Variants in PALLD observed in about 807,000 individuals in gnomAD.
The protein encoded by PALLD is palladin, cytoskeletal associated protein.
Under a neutral mutation model 123.5 loss-of-function variants are expected in PALLD, and 61 were observed. The ratio of observed to expected loss-of-function variants is 0.49; its 90% CI spans 0.40 to 0.61. The LOEUF is 0.61. Ranked by LOEUF, PALLD falls within the 20% of genes least tolerant of loss-of-function variation. The probability of loss-of-function intolerance (pLI) is 0.00; values close to 1 mark genes in which losing one functional copy is unlikely to be tolerated. For synonymous variants in PALLD, 465 were observed against 496.4 expected, an observed-to-expected ratio of 0.94 and a Z score of 0.84; for missense variants, 1,273 against 1,377.0, an observed-to-expected ratio of 0.92 and a Z score of 1.20.
chr4:168,758,004 G>A (rs1366733385), intron 10 of PALLD, among the ~76,000 whole-genome samples: 1 of 152,204 alleles, frequency 6.6e-6, no homozygotes, highest in East Asian at 1.9e-4. Context: ...CTGGGAGCTG[G>A]AGGTTGCAGC....
intron 2 of PALLD, among the ~76,000 whole-genome samples, chr4:168,560,333 GTTC>G (rs1475610243): frequency 1.3e-5 from 2 of 152,182 alleles, no homozygotes; most frequent in African/African-American, 4.8e-5. Flanking sequence ...TAAGAATGAA[GTTC>G]TTCTTGTCCA....
intron 2 of PALLD, among the ~76,000 whole-genome samples, chr4:168,630,027 C>T (rs145990023): frequency 8.5e-4 from 130 of 152,312 alleles, no homozygotes; most frequent in Middle Eastern, 3.4e-3. Flanking sequence ...CAGATTTCTG[C>T]GCTCATGGTG....
intron 8 of PALLD, among the ~76,000 whole-genome samples, chr4:168,703,926 T>TAAACAAA (rs1252213021): frequency 2.8e-4 from 42 of 152,164 alleles, no homozygotes; most frequent in Non-Finnish European, 5.4e-4. Flanking sequence ...AGATCCCATG[T>TAAACAAA]GTCAATTTTG....
intron 10 of PALLD, among the ~76,000 whole-genome samples, chr4:168,803,096 C>T (rs183840257): frequency 9.9e-4 from 151 of 152,234 alleles, no homozygotes; most frequent in African/African-American, 2.2e-3. Flanking sequence ...TGTATTAGTC[C>T]GTTCTCACAC....
intron 8 of PALLD, among the ~76,000 whole-genome samples, chr4:168,691,820 A>C (rs894798045): frequency 1.3e-5 from 2 of 151,852 alleles, no homozygotes; most frequent in Non-Finnish European, 2.9e-5. Flanking sequence ...CCCCCAGATC[A>C]CTCTTAATTA....
intron 2 of PALLD, among the ~76,000 whole-genome samples, chr4:168,597,381 T>A: frequency 6.6e-6 from 1 of 152,052 alleles, no homozygotes; most frequent in East Asian, 1.9e-4. Context: ...AGAAAAAGAA[T>A]ACAATATTAA....
chr4:168,760,163 C>T (rs1031972467), intron 10 of PALLD, among the ~76,000 whole-genome samples: 1 of 152,162 alleles, frequency 6.6e-6, no homozygotes, highest in Non-Finnish European at 1.5e-5. Flanking sequence ...CCTCTGTCCT[C>T]ATTGCAAATC....
chr4:168,563,897 G>A (rs1768102978), intron 2 of PALLD, among the ~76,000 whole-genome samples: 1 of 152,174 alleles, frequency 6.6e-6, no homozygotes, highest in Non-Finnish European at 1.5e-5. Context: ...GGGTACAAGT[G>A]TAATTTTGTG....
chr4:168,754,295 A>T (rs1447625538), intron 10 of PALLD, among the ~76,000 whole-genome samples: 2 of 152,176 alleles, frequency 1.3e-5, no homozygotes, highest in Non-Finnish European at 2.9e-5. Flanking sequence ...AGTTTTAGTC[A>T]TCCTTACTTA....
chr4:168,794,117 C>T (rs1004844583), intron 10 of PALLD, among the ~76,000 whole-genome samples: 1 of 152,128 alleles, frequency 6.6e-6, no homozygotes, highest in Non-Finnish European at 1.5e-5. Flanking sequence ...TCTCCAGGCC[C>T]GCTCCTCCAG....
Position 168,927,121 on chromosome 4 carries a change from T to C in PALLD, c.*941T>C, listed in dbSNP as rs915152819. 1.8e-5 allele frequency: 4 copies of C among 226,396 alleles called. No individual in the cohort carries two copies. Among genetic ancestry groups the C allele is most frequent in the Non-Finnish European group, 3.5e-5 (4 of 113,658 alleles). 14.0% of individuals were successfully genotyped at this position (226,396 alleles called of 1,614,324 possible). A position where few individuals can be genotyped will look rare whatever the true frequency, so the allele number is the denominator to read the frequency against. On this transcript the variant is annotated 3_prime_UTR_variant, in exon 22 of 22. Transcript: ENST00000505667. The stretch of plus-strand genomic sequence containing the variant: ...AAGTGCTCTGAATAAAGCAGAAATA[T>C]ATTACAGTTCATTCCACAGAAAGCA...
In PALLD at chr4:168,547,566, C is replaced by CAAAAAAAA. The variant is rs11339394; in HGVS notation, c.908+35168_908+35175dup. ...GTGAAACATTATCTCTAATAAAATA[C>CAAAAAAAA]AAAAAAAAAAAAAAAAAAAAAGCCA... On this transcript the variant is annotated intron_variant, in intron 2 of 21. Coordinates refer to ENST00000505667, the MANE Select transcript of PALLD (RefSeq NM_001166108.2). 1.3e-4 allele frequency among the ~76,000 whole-genome samples: 9 copies of CAAAAAAAA among 70,936 alleles called. 1 individual carries two copies. Among genetic ancestry groups the CAAAAAAAA allele is most frequent in the Admixed American group, 5.3e-4 (3 of 5,626 alleles). 46.5% of individuals were successfully genotyped at this position (70,936 alleles called of 152,430 possible). A position where few individuals can be genotyped will look rare whatever the true frequency, so the allele number is the denominator to read the frequency against.
intron 12 of PALLD, 119 bp downstream of exon 12, chr4:168,894,796 A>G (rs1364441442): frequency 1.3e-6 from 2 of 1,511,214 alleles, no homozygotes; most frequent in Admixed American, 4.0e-5. Flanking sequence ...GTCACAGAAA[A>G]GCAGTATTAA....
At chr4:168,573,707 T>C (rs889329445) in intron 2 of PALLD, among the ~76,000 whole-genome samples, 2 of 152,056 alleles carry the variant, frequency 1.3e-5, no homozygotes, top group African/African-American at 4.8e-5. Context: ...GAGAAAATCA[T>C]GCTTCTAGGA....
rs1313429903 is a variant in PALLD at position 168,878,283 on chromosome 4, C to G, written c.1965-12639C>G. The G allele has an allele frequency of 3.3e-6, 5 of 1,527,256 alleles. No homozygotes were observed. In the Admixed American group the frequency reaches 5.9e-5, roughly 18 times the overall value. The allele number at this position is 1,527,256 out of a possible 1,614,324, so 94.6% of individuals were successfully genotyped here. ...GCGTCCCACTGCTCGTCGCCTGCCA[C>G]CCGCTTCGGCCACAGCCAGACGCCC... On this transcript the variant is annotated intron_variant, in intron 10 of 21. Coordinates refer to ENST00000505667, the MANE Select transcript of PALLD (RefSeq NM_001166108.2).
rs70961555 is a variant in PALLD, at chr4:168,761,645, G to GTTTTTTTTTTTTTTTTTTTTTTTTTTTT, written c.1964+49726_1964+49753dup. On this transcript the variant is annotated intron_variant, in intron 10 of 21. Coordinates refer to ENST00000505667, the MANE Select transcript of PALLD (RefSeq NM_001166108.2). Reference sequence around the variant, plus strand: ...CCAGCTATTTTTGTTGTTGTTGTTTGTTTTTTTTTTTTTTTTTTTTTTTTT... The same window carrying GTTTTTTTTTTTTTTTTTTTTTTTTTTTT: ...CCAGCTATTTTTGTTGTTGTTGTTTGTTTTTTTTTTTTTTTTTTTTTTTTTTTTTTTTTTTTTTTTTTTTTTTTTTTTT... 2.2e-3 allele frequency among the ~76,000 whole-genome samples: 194 copies of GTTTTTTTTTTTTTTTTTTTTTTTTTTTT among 87,912 alleles called. 32 individuals carry two copies. Among genetic ancestry groups the GTTTTTTTTTTTTTTTTTTTTTTTTTTTT allele is most frequent in the Middle Eastern group, 6.3e-3 (1 of 160 alleles). The allele number at this position is 87,912 out of a possible 152,430, so 57.7% of individuals were successfully genotyped here.
intron 2 of PALLD, among the ~76,000 whole-genome samples, chr4:168,514,851 T>C (rs1762848109): frequency 1.3e-5 from 2 of 152,248 alleles, no homozygotes; most frequent in African/African-American, 4.8e-5. Context: ...CCATAATTAC[T>C]GTATTAAAAT....
intron 10 of PALLD, among the ~76,000 whole-genome samples, chr4:168,728,917 C>T (rs1786871701): frequency 6.6e-6 from 1 of 152,074 alleles, no homozygotes; most frequent in Admixed American, 6.6e-5. Context: ...TTTGTGGATG[C>T]CTTTTATTTC....
intron 1 of PALLD, chr4:168,504,875 C>T (rs1045051998): frequency 6.6e-6 from 1 of 152,184 alleles, no homozygotes; most frequent in African/African-American, 2.4e-5. Flanking sequence ...TACCTCATTT[C>T]CTCTTCACTC....
Sources: gnomAD v4.1 joint callset for allele counts (sites outside exome capture counted in the v4.1 genomes callset) on GRCh38, gnomAD v4.1.1 for gene constraint, MANE v1.5 for transcripts, NCBI Gene and HGNC (gene_info 2026-07-23, HGNC 2026-07-21) for gene names.